IFT140: variants seen among roughly 807,000 people sequenced by gnomAD.
IFT140 encodes the protein intraflagellar transport 140.
Under a neutral mutation model 164.6 loss-of-function variants are expected in IFT140, and 133 were observed. The observed-to-expected ratio is 0.81, with a 90% CI of 0.70 to 0.93. IFT140 has a LOEUF of 0.93. Ranked by LOEUF, IFT140 falls within the 40% of genes least tolerant of loss-of-function variation. The pLI is 0.00. For synonymous variants in IFT140, 860 were observed against 817.3 expected (o/e 1.05, Z -0.89); for missense variants, 2,045 against 1,972.3 (o/e 1.04, Z -0.70).
chr16:1,552,829 A>G, intron 19 of IFT140: 1 of 295,462 alleles, frequency 3.4e-6, no homozygotes, highest in Non-Finnish European at 4.9e-6. Context: ...TTTTTTTTGT[A>G]TTTTTAGTAG....
chr16:1,520,812 C>G lies in IFT140; in HGVS notation c.3454-4G>C. 1.9e-6 allele frequency: 3 copies of G among 1,601,168 alleles called. No homozygotes were observed. The highest frequency in any genetic ancestry group is 1.7e-4 in the Middle Eastern group (1 of 6,060). On this transcript the variant is annotated splice_polypyrimidine_tract_variant and splice_region_variant and intron_variant, in intron 26 of 30. Transcript: ENST00000426508. Reference sequence around the variant, plus strand: ...ACAGCTGCAGGGCTTCCTGATACTGCAAAGGTGCAGAAATGGGACGGGGCT... The same window carrying G: ...ACAGCTGCAGGGCTTCCTGATACTGGAAAGGTGCAGAAATGGGACGGGGCT...
Position 1,538,314 on chromosome 16 carries a change from C to T in IFT140, c.2400-11518G>A, listed in dbSNP as rs544204060. ...GCACAGGGCTGTGTGCCTGGAGCTGCGAGGAAGGAAGGCTGAGAGGCCAGG... is the reference window on the plus strand; with the variant it reads ...GCACAGGGCTGTGTGCCTGGAGCTGTGAGGAAGGAAGGCTGAGAGGCCAGG... On this transcript the variant is annotated intron_variant, in intron 19 of 30. Transcript: ENST00000426508. Among the ~76,000 whole-genome samples the T allele has an allele frequency of 2.2e-4, 33 of 152,284 alleles. No homozygotes were observed. The East Asian group carries it at 5.0e-3, about 23-fold the overall frequency.
intron 13 of IFT140, among the ~76,000 whole-genome samples, chr16:1,578,758 C>G (rs1048272926): frequency 1.3e-5 from 2 of 152,236 alleles, no homozygotes; most frequent in Admixed American, 6.5e-5. Context: ...GTTGCCCAGG[C>G]TGGAGGACAG....
intron 2 of IFT140, among the ~76,000 whole-genome samples, chr16:1,609,273 C>T (rs1031634536): frequency 6.6e-6 from 1 of 152,112 alleles, no homozygotes; most frequent in Non-Finnish European, 1.5e-5. Context: ...ATGAGTGATA[C>T]ATTAATACGA....
At chr16:1,563,906 C>T (rs1057165008) in intron 17 of IFT140, 91 bp downstream of exon 17, 1 of 1,329,290 alleles carries the variant, frequency 7.5e-7, no homozygotes. Flanking sequence ...GGATCACAGG[C>T]GTGAGCCACC....
Position 1,589,732 on chromosome 16 carries a change from G to C in IFT140, c.683C>G (p.Ser228Cys), listed in dbSNP as rs752659125. 49 of 1,614,016 alleles carry C rather than the reference G, an allele frequency of 3.0e-5. 2 individuals are homozygous for C. In the South Asian group the frequency reaches 5.2e-4, roughly 17 times the overall value. ...CAGCATCTGAATCGTGCTGTCTGCG[G>C]ACACCACCTGAGTGGTCTTGCCCTT... The part of the protein sequence containing the change: ...DEKGKTTQVV[S>C]ADSTIQMLFY... The change falls in exon 7 of 31, where the codon TCC becomes TGC. Residue 228 changes from serine (S) to cysteine (C), a missense_variant. By Grantham distance (112) the Ser-to-Cys change is moderately radical. Transcript: ENST00000426508.
intron 14 of IFT140, 44 bp from the exon 15 acceptor site, chr16:1,568,378 T>A (rs1567381974): frequency 6.8e-7 from 1 of 1,469,184 alleles, no homozygotes; most frequent in East Asian, 2.3e-5. Flanking sequence ...AGAGGCCCAG[T>A]TCCCAATTCT....
chr16:1,549,286 A>T (rs576417092), intron 19 of IFT140, among the ~76,000 whole-genome samples: 11 of 152,380 alleles, frequency 7.2e-5, no homozygotes, highest in African/African-American at 2.6e-4. Flanking sequence ...CTTTTTTCAC[A>T]CAAGGTACAG....
At chr16:1,563,296 CTTTTT>C (rs78104539) in intron 17 of IFT140, among the ~76,000 whole-genome samples, 1 of 147,496 alleles carries the variant, frequency 6.8e-6, no homozygotes, top group Non-Finnish European at 1.5e-5. Flanking sequence ...CTGCAGATAA[CTTTTT>C]TTTTTTCTTT....
intron 13 of IFT140, among the ~76,000 whole-genome samples, chr16:1,572,328 C>G (rs561863753): frequency 9.9e-5 from 15 of 152,190 alleles, no homozygotes; most frequent in Non-Finnish European, 2.1e-4. Flanking sequence ...TTAGAAAGCA[C>G]GTCCCACAGT....
chr16:1,601,420 C>T (rs2035790951), intron 4 of IFT140, among the ~76,000 whole-genome samples: 1 of 152,132 alleles, frequency 6.6e-6, no homozygotes. Context: ...TGTTACATTT[C>T]CTGGAGTGTG....
Position 1,584,303 on chromosome 16 carries a change from T to A in IFT140, c.1273A>T (p.Ser425Cys). 1.2e-6 allele frequency: 2 copies of A among 1,613,786 alleles called. No homozygotes were observed. Among genetic ancestry groups the A allele is most frequent in the Non-Finnish European group, 1.7e-6 (2 of 1,179,992 alleles). Residue 425 changes from serine (S) to cysteine (C), a missense_variant, in exon 11 of 31, where the codon AGT becomes TGT. Physicochemically the swap from Ser to Cys is moderately radical, Grantham distance 112. Transcript: ENST00000426508. ...GACAGGAAGCACACATTCAGCAGAC[T>A]CGGGGAGACCTGCATGGCGGCCACT... ...QQVAAMQVSP[S>C]LLNVCFLSTG...
At chr16:1,581,434 T>C (rs991387872) in intron 12 of IFT140, among the ~76,000 whole-genome samples, 4 of 151,856 alleles carry the variant, frequency 2.6e-5, no homozygotes, top group South Asian at 2.1e-4. Flanking sequence ...ATGTTGTCTC[T>C]ACTAAAAATA....
At chr16:1,611,293 C>A (rs141075034) in intron 1 of IFT140, among the ~76,000 whole-genome samples, 7 of 152,092 alleles carry the variant, frequency 4.6e-5, no homozygotes, top group Non-Finnish European at 1.0e-4. Flanking sequence ...TCGTTGGAGC[C>A]CAGGAGTTCG....
rs865867466 is a variant in IFT140, at chr16:1,536,695, G to A, written c.2400-9899C>T. On this transcript the variant is annotated intron_variant, in intron 19 of 30. Transcript: ENST00000426508. Reference sequence around the variant, plus strand: ...ACCACATCCCCCAAGGCCCCAACACGGGGACGCGCCCAGAGTCTCCCTTGG... The same window carrying A: ...ACCACATCCCCCAAGGCCCCAACACAGGGACGCGCCCAGAGTCTCCCTTGG... 8.5e-5 allele frequency among the ~76,000 whole-genome samples: 13 copies of A among 152,258 alleles called. 1 individual carries two copies. In the South Asian group the frequency reaches 1.7e-3, roughly 19 times the overall value.
intron 30 of IFT140, among the ~76,000 whole-genome samples, chr16:1,513,905 C>T (rs1329656074): frequency 6.8e-6 from 1 of 146,056 alleles, no homozygotes; most frequent in African/African-American, 2.6e-5. Context: ...CATCTCCTGA[C>T]CTCATGATCT....
intron 19 of IFT140, among the ~76,000 whole-genome samples, chr16:1,543,978 A>G (rs1270887621): frequency 6.6e-6 from 1 of 152,170 alleles, no homozygotes; most frequent in East Asian, 1.9e-4. Flanking sequence ...GATTCTGAAA[A>G]TAACTCCTTC....
intron 6 of IFT140, among the ~76,000 whole-genome samples, chr16:1,590,065 G>C (rs2035095141): frequency 6.6e-6 from 1 of 152,032 alleles, no homozygotes. Context: ...GGCGGGCGTG[G>C]TGGTATGTGC....
In IFT140 at chr16:1,607,219, C is replaced by G. The variant is rs2036120444; in HGVS notation, c.48G>C (p.Gly16=). 1.2e-6 allele frequency: 2 copies of G among 1,614,146 alleles called. No individual in the cohort carries two copies. The highest frequency in any genetic ancestry group is 1.7e-6 in the Non-Finnish European group (2 of 1,180,026). ...GGTGCCAGCTGATAAATGAGGGTGA[C>G]CCTGCTGCATCCGGGGCTTCTATCT... ...DHQIEAPDAA[G]SPSFISWHPV... Residue 16 remains glycine (G), a synonymous_variant, in exon 3 of 31, where the codon GGG becomes GGC. Transcript: ENST00000426508.
Sources: gnomAD v4.1 joint callset for allele counts (sites outside exome capture counted in the v4.1 genomes callset) on GRCh38, gnomAD v4.1.1 for gene constraint, MANE v1.5 for transcripts, NCBI Gene and HGNC (gene_info 2026-07-23, HGNC 2026-07-21) for gene names.